DHRS1: variants seen among roughly 807,000 people sequenced by gnomAD.
DHRS1 encodes dehydrogenase/reductase 1.
Under a neutral mutation model 35.2 loss-of-function variants are expected in DHRS1, and 34 were observed. The observed-to-expected ratio is 0.97, with a 90% CI of 0.74 to 1.29. The LOEUF (loss-of-function observed/expected upper bound fraction) is 1.29. DHRS1 is among the 50% of genes most tolerant of loss of function. The pLI is 0.00. For missense variants in DHRS1, 354 were observed against 403.6 expected, an observed-to-expected ratio of 0.88 and a Z score of 1.05; for synonymous variants, 133 against 160.0, an observed-to-expected ratio of 0.83 and a Z score of 1.27.
chr14:24,296,929 G>A lies in DHRS1; in HGVS notation c.151-48C>T, dbSNP rs201937236. The A allele has an allele frequency of 1.5e-4, 247 of 1,610,514 alleles. 1 individual carries two copies. The African/African-American group carries it at 3.2e-3, about 21-fold the overall frequency. Reference sequence around the variant, plus strand: ...AGCTCACATTCACACATGGGTGTGAGTCATGACAAAACTCCCCAACCAAAG... The same window carrying A: ...AGCTCACATTCACACATGGGTGTGAATCATGACAAAACTCCCCAACCAAAG... On this transcript the variant is annotated intron_variant, in intron 2 of 8. Coordinates refer to ENST00000288111, the MANE Select transcript of DHRS1 (RefSeq NM_001136050.3).
chr14:24,292,145 TC>T (rs1566401172), intron 6 of DHRS1, 38 bp downstream of exon 6: 1 of 1,612,552 alleles, frequency 6.2e-7, no homozygotes, highest in Non-Finnish European at 8.5e-7. Flanking sequence ...AGAGGCCGAC[TC>T]CCCTGTTCTC....
At chr14:24,298,825 C>T in intron 2 of DHRS1, 132 bp downstream of exon 2, 1 of 1,126,668 alleles carries the variant, frequency 8.9e-7, no homozygotes. Context: ...TTTTTAATTT[C>T]CACTTTGAAT....
At position 24,292,786 on chromosome 14, in the gene DHRS1, T is replaced by C; in HGVS notation, c.375-2A>G. On this transcript the variant is annotated splice_acceptor_variant, in intron 4 of 8. Coordinates refer to ENST00000288111, the MANE Select transcript of DHRS1 (RefSeq NM_001136050.3). LOFTEE classifies it high-confidence loss of function. ...TACACTGAGCAAAAGTAGTGGCCTC[T>C]AGAAGGTGGGGCAAGGGAAGAAGGA... 1 of 1,609,914 alleles carries C rather than the reference T, an allele frequency of 6.2e-7. No homozygotes were observed. Among genetic ancestry groups the C allele is most frequent in the Non-Finnish European group, 8.5e-7 (1 of 1,178,168 alleles).
At position 24,299,667 on chromosome 14, in the gene DHRS1, G is replaced by T. The variant is rs2139110232; in HGVS notation, c.-111C>A. 2.7e-6 allele frequency: 1 copy of T among 375,376 alleles called. No homozygotes were observed. Among genetic ancestry groups the T allele is most frequent in the East Asian group, 4.0e-5 (1 of 24,712 alleles). 23.3% of individuals were successfully genotyped at this position (375,376 alleles called of 1,614,324 possible). On this transcript the variant is annotated 5_prime_UTR_variant, in exon 1 of 9. Coordinates refer to ENST00000288111, the MANE Select transcript of DHRS1 (RefSeq NM_001136050.3). Reference sequence around the variant, plus strand: ...TCGCCCAGATTGAGCCGGCGACGTGGAGGCAGTGTTCAAGGATTGATTCTG... The same window carrying T: ...TCGCCCAGATTGAGCCGGCGACGTGTAGGCAGTGTTCAAGGATTGATTCTG...
At position 24,292,798 on chromosome 14, in the gene DHRS1, C is replaced by A; in HGVS notation, c.375-14G>T. 1 of 1,607,768 alleles carries A rather than the reference C, an allele frequency of 6.2e-7. No individual in the cohort carries two copies. On this transcript the variant is annotated splice_polypyrimidine_tract_variant and intron_variant, in intron 4 of 8. Coordinates refer to ENST00000288111, the MANE Select transcript of DHRS1 (RefSeq NM_001136050.3). ...AAGTAGTGGCCTCTAGAAGGTGGGG[C>A]AAGGGAAGAAGGAATGAACCGTGTT... is the stretch of plus-strand genomic sequence containing the variant.
In DHRS1 at chr14:24,292,897, A is replaced by G. The variant is rs1270205981; in HGVS notation, c.375-113T>C. ...GTGGTTGTTGTCCACTAGGAAGGCT[A>G]CACAGGGTGGGTTAGCGACCTGAGG... On this transcript the variant is annotated intron_variant, in intron 4 of 8. Coordinates refer to ENST00000288111, the MANE Select transcript of DHRS1 (RefSeq NM_001136050.3). 4 of 1,401,292 alleles carry G rather than the reference A, an allele frequency of 2.9e-6. No homozygotes were observed. In the East Asian group the frequency reaches 7.7e-5, roughly 27 times the overall value. 86.8% of individuals were successfully genotyped at this position (1,401,292 alleles called of 1,614,324 possible). A position where few individuals can be genotyped will look rare whatever the true frequency, so the allele number is the denominator to read the frequency against.
chr14:24,297,401 C>T (rs760536264), intron 2 of DHRS1, among the ~76,000 whole-genome samples: 3 of 152,188 alleles, frequency 2.0e-5, no homozygotes, highest in Non-Finnish European at 2.9e-5. Flanking sequence ...CTGTCTCACT[C>T]TCTACAAATG....
chr14:24,295,799 G>A (rs1298522691), intron 4 of DHRS1, among the ~76,000 whole-genome samples: 2 of 152,202 alleles, frequency 1.3e-5, no homozygotes, highest in South Asian at 4.1e-4. Flanking sequence ...ATTGTTACCA[G>A]AGTACCAAAA....
chr14:24,297,754 C>T (rs537404683), intron 2 of DHRS1, among the ~76,000 whole-genome samples: 1 of 152,324 alleles, frequency 6.6e-6, no homozygotes, highest in Admixed American at 6.5e-5. Flanking sequence ...TCTCACACAT[C>T]TACTCTTTCA....
chr14:24,293,382 T>A (rs1189024700), intron 4 of DHRS1: 1 of 152,362 alleles, frequency 6.6e-6, no homozygotes, highest in Non-Finnish European at 1.5e-5. Flanking sequence ...GAGACCAGCC[T>A]GGCCAACGTG....
chr14:24,290,883 A>G lies in DHRS1; in HGVS notation c.918T>C (p.Ile306=). The change falls in exon 9 of 9, where the codon ATT becomes ATC. Residue 306 remains isoleucine, a synonymous_variant. Transcript: ENST00000288111. ...GTTAGAACTTGCTAGTGTAGAGGGC[A>G]ATAATCCACTTGGGCACACGGAGGA... ...PSFLRVPKWI[I]ALYTSKF The G allele has an allele frequency of 6.2e-7, 1 of 1,613,878 alleles. No individual in the cohort carries two copies. The highest frequency in any genetic ancestry group is 8.5e-7 in the Non-Finnish European group (1 of 1,179,974).
chr14:24,294,127 C>G (rs1356281736), intron 4 of DHRS1: 1 of 151,900 alleles, frequency 6.6e-6, no homozygotes, highest in Non-Finnish European at 1.5e-5. Context: ...CACAGAAGTA[C>G]TGAAAGAAAA....
Position 24,296,764 on chromosome 14 carries a change from C to G in DHRS1, c.268G>C (p.Val90Leu). The G allele has an allele frequency of 1.9e-6, 3 of 1,614,178 alleles. No homozygotes were observed. Among genetic ancestry groups the G allele is most frequent in the Non-Finnish European group, 2.5e-6 (3 of 1,180,022 alleles). The change falls in exon 3 of 9, where the codon GTC becomes CTC. Residue 90 changes from valine to leucine, a missense_variant. By Grantham distance (32) the Val-to-Leu change is conservative. Transcript: ENST00000288111. Reference sequence around the variant, plus strand: ...TGGACCCCTGCATAAGCATTGTTGACCAGCACATCTAGACGCCCTTGCTGT... The same window carrying G: ...TGGACCCCTGCATAAGCATTGTTGAGCAGCACATCTAGACGCCCTTGCTGT... The part of the protein sequence containing the change: ...REQQGRLDVL[V>L]NNAYAGVQTI...
chr14:24,294,951 T>TA (rs59888118), intron 4 of DHRS1, among the ~76,000 whole-genome samples: 1,983 of 152,334 alleles, frequency 0.013, 28 homozygotes, highest in Admixed American at 0.029. Flanking sequence ...TGTCTTGATA[T>TA]AAAAAATTGG....
At chr14:24,295,688 C>T (rs17102706) in intron 4 of DHRS1, among the ~76,000 whole-genome samples, 243 of 152,328 alleles carry the variant, frequency 1.6e-3, no homozygotes, top group African/African-American at 5.6e-3. Flanking sequence ...CAGCTCTTAA[C>T]GTGTCCCTTT....
rs536910125 is a variant in DHRS1, at chr14:24,296,063, G to A, written c.374+446C>T. On this transcript the variant is annotated intron_variant, in intron 4 of 8. Transcript: ENST00000288111. ...GTACCTGCTCTCCCAACTCTGACCC[G>A]GCAGTGCCCTTGCCTGTGGGTGTGG... 4.6e-5 allele frequency among the ~76,000 whole-genome samples: 7 copies of A among 152,304 alleles called. No homozygotes were observed. In the East Asian group the frequency reaches 9.6e-4, roughly 21 times the overall value.
intron 4 of DHRS1, 144 bp from the exon 5 acceptor site, chr14:24,292,928 G>T (rs2041189061): frequency 1.0e-6 from 1 of 986,412 alleles, no homozygotes; most frequent in Non-Finnish European, 1.4e-6. Flanking sequence ...TGAGGAATTA[G>T]GGGCTTGAGG....
At chr14:24,298,803 T>A in intron 2 of DHRS1, 154 bp downstream of exon 2, 1 of 998,318 alleles carries the variant, frequency 1.0e-6, no homozygotes, top group South Asian at 2.4e-5. Context: ...TTACCTGAAG[T>A]TATTTACGGG....
chr14:24,297,059 T>A (rs1478091414), intron 2 of DHRS1, among the ~76,000 whole-genome samples, 178 bp from the exon 3 acceptor site: 1 of 152,240 alleles, frequency 6.6e-6, no homozygotes, highest in East Asian at 1.9e-4. Context: ...GTTTCAGGAA[T>A]GATAGGCCTC....
Sources: gnomAD v4.1 joint callset for allele counts (sites outside exome capture counted in the v4.1 genomes callset) on GRCh38, gnomAD v4.1.1 for gene constraint, MANE v1.5 for transcripts, NCBI Gene and HGNC (gene_info 2026-07-23, HGNC 2026-07-21) for gene names.